Variants in FMN2 observed in about 807,000 individuals in gnomAD.
FMN2 encodes the protein formin 2.
Under a neutral mutation model 142.3 loss-of-function variants are expected in FMN2, and 51 were observed. That is an observed-to-expected ratio of 0.36 (90% CI 0.29 to 0.45). The LOEUF (loss-of-function observed/expected upper bound fraction) is 0.45, where lower values mean the gene tolerates loss of function less well. FMN2 is among the 20% of genes least tolerant of loss of function. The probability of loss-of-function intolerance (pLI) is 1.00; values close to 1 mark genes in which losing one functional copy is unlikely to be tolerated. For synonymous variants in FMN2, 882 were observed against 869.8 expected (o/e 1.01, Z -0.25); for missense variants, 1,936 against 2,122.8 (o/e 0.91, Z 1.73).
chr1:240,385,752 T>G (rs1673384224), intron 14 of FMN2, among the ~76,000 whole-genome samples: 1 of 152,224 alleles, frequency 6.6e-6, no homozygotes, highest in South Asian at 2.1e-4. Flanking sequence ...TCCTGTATTT[T>G]ATGTTTGGCT....
chr1:240,411,501 G>A (rs1224968372), intron 15 of FMN2, among the ~76,000 whole-genome samples: 1 of 151,844 alleles, frequency 6.6e-6, no homozygotes, highest in Non-Finnish European at 1.5e-5. Flanking sequence ...AACCTGGGAG[G>A]CGGAGGTTGT....
chr1:240,169,754 C>T (rs1018489683), intron 2 of FMN2, among the ~76,000 whole-genome samples: 3 of 152,170 alleles, frequency 2.0e-5, no homozygotes, highest in South Asian at 2.1e-4. Flanking sequence ...GAATTATAGG[C>T]GTGAGCCACC....
chr1:240,121,445 G>A (rs1441174982), intron 1 of FMN2, among the ~76,000 whole-genome samples: 2 of 149,944 alleles, frequency 1.3e-5, no homozygotes, highest in African/African-American at 2.5e-5. Context: ...GCGCGATCTC[G>A]GCTCACTGCA....
chr1:240,207,568 G>T lies in FMN2; in HGVS notation c.2756G>T (p.Gly919Val). Reference protein sequence around the residue: ...PPPPPPLPGAGIPPPPPLPGA... With the variant: ...PPPPPPLPGAVIPPPPPLPGA... ...CCTCCCCCTCCTCTTCCCGGAGCGGGCATACCTCCTCCGCCGCCTCTACCC... is the reference window on the plus strand; with the variant it reads ...CCTCCCCCTCCTCTTCCCGGAGCGGTCATACCTCCTCCGCCGCCTCTACCC... Residue 919 changes from glycine to valine, a missense_variant, in exon 5 of 18, where the codon GGC becomes GTC. Gly to Val is a moderately radical substitution (Grantham distance 109). Transcript: ENST00000319653. 1.2e-6 allele frequency: 2 copies of T among 1,607,316 alleles called. No homozygotes were observed. Among genetic ancestry groups the T allele is most frequent in the South Asian group, 2.2e-5 (2 of 90,400 alleles).
At chr1:240,450,422 G>A (rs1675970686) in intron 16 of FMN2, among the ~76,000 whole-genome samples, 1 of 152,114 alleles carries the variant, frequency 6.6e-6, no homozygotes, top group South Asian at 2.1e-4. Flanking sequence ...AAAACACCTA[G>A]GATCCCAGAT....
At chr1:240,216,994 A>C (rs1666929327) in intron 6 of FMN2, among the ~76,000 whole-genome samples, 1 of 152,162 alleles carries the variant, frequency 6.6e-6, no homozygotes. Context: ...ACAGGAAAAG[A>C]AGTATTCATC....
chr1:240,407,425 C>T (rs1413657498), intron 15 of FMN2, among the ~76,000 whole-genome samples: 1 of 152,174 alleles, frequency 6.6e-6, no homozygotes, highest in Non-Finnish European at 1.5e-5. Flanking sequence ...AGGCGTGAGC[C>T]ACCGTGCCCG....
chr1:240,199,199 C>CCTATTTTACAGATGT (rs1666040532), intron 4 of FMN2, among the ~76,000 whole-genome samples: 2 of 152,142 alleles, frequency 1.3e-5, no homozygotes, highest in African/African-American at 2.4e-5. Context: ...CTAGAGGTAT[C>CCTATTTTACAGATGT]CTAACCTGCC....
rs764873776 is a variant in FMN2, at chr1:240,231,217, C to T, written c.4065+19982C>T. Reference sequence around the variant, plus strand: ...ACTCTCTAATTTGACCATCTCTTTGCGTTCCACATTAAGCCTTCCAAAAAA... The same window carrying T: ...ACTCTCTAATTTGACCATCTCTTTGTGTTCCACATTAAGCCTTCCAAAAAA... On this transcript the variant is annotated intron_variant, in intron 6 of 17. Transcript: ENST00000319653. Among the ~76,000 whole-genome samples the T allele has an allele frequency of 1.1e-4, 14 of 132,484 alleles. 3 individuals are homozygous for T. Among genetic ancestry groups the T allele is most frequent in the Non-Finnish European group, 1.7e-4 (11 of 63,116 alleles). The allele number at this position is 132,484 out of a possible 152,430, so 86.9% of individuals were successfully genotyped here.
At chr1:240,250,390 TTATTGATTTGCA>T (rs1483268065) in intron 6 of FMN2, among the ~76,000 whole-genome samples, 1 of 152,318 alleles carries the variant, frequency 6.6e-6, no homozygotes, top group South Asian at 2.1e-4. Context: ...TATATCACAT[TTATTGATTTGCA>T]TATGTACAAC....
intron 16 of FMN2, 116 bp downstream of exon 16, chr1:240,438,326 G>T: frequency 1.7e-6 from 2 of 1,147,254 alleles, no homozygotes; most frequent in South Asian, 1.6e-5. Context: ...CTCAACCCGG[G>T]GTAGCAAGTT....
intron 4 of FMN2, among the ~76,000 whole-genome samples, chr1:240,199,273 A>C (rs941401109): frequency 1.3e-5 from 2 of 152,210 alleles, no homozygotes; most frequent in African/African-American, 4.8e-5. Context: ...AATTAATTAT[A>C]TATCTCATGT....
chr1:240,332,818 C>T (rs1363798101), intron 11 of FMN2, among the ~76,000 whole-genome samples: 2 of 152,130 alleles, frequency 1.3e-5, no homozygotes, highest in African/African-American at 4.8e-5. Context: ...TTACTTTGAT[C>T]ACTTAGAATT....
chr1:240,244,122 G>T (rs948100270), intron 6 of FMN2, among the ~76,000 whole-genome samples: 5 of 152,078 alleles, frequency 3.3e-5, no homozygotes, highest in African/African-American at 1.2e-4. Flanking sequence ...AGAAAGATTT[G>T]CCTTATTGGA....
chr1:240,304,318 C>T (rs1440372254), intron 8 of FMN2, among the ~76,000 whole-genome samples: 1 of 152,080 alleles, frequency 6.6e-6, no homozygotes, highest in Non-Finnish European at 1.5e-5. Flanking sequence ...TCTCCCTCTT[C>T]CCAAGGGTTT....
intron 16 of FMN2, among the ~76,000 whole-genome samples, chr1:240,468,249 TATATACATATGCACACACAC>T (rs1158074448): frequency 2.6e-4 from 36 of 136,822 alleles, no homozygotes; most frequent in Middle Eastern, 3.9e-3. Flanking sequence ...CACACACACA[TATATACATATGCACACACAC>T]ATATACATAT....
chr1:240,281,642 T>A (rs1669399037), intron 7 of FMN2, among the ~76,000 whole-genome samples: 1 of 152,190 alleles, frequency 6.6e-6, no homozygotes, highest in Non-Finnish European at 1.5e-5. Flanking sequence ...CTCTCGAGAG[T>A]ACATTTTTGT....
intron 14 of FMN2, among the ~76,000 whole-genome samples, chr1:240,374,856 C>T (rs912470180): frequency 6.6e-6 from 1 of 152,204 alleles, no homozygotes; most frequent in Admixed American, 6.5e-5. Context: ...TTCATTCTCT[C>T]TCCACTTTGG....
At chr1:240,178,836 A>C (rs958118114) in intron 3 of FMN2, among the ~76,000 whole-genome samples, 3 of 152,352 alleles carry the variant, frequency 2.0e-5, no homozygotes, top group Non-Finnish European at 4.4e-5. Flanking sequence ...ATAGAAGAAC[A>C]TCATTGCTAT....
Sources: gnomAD v4.1 joint callset for allele counts (sites outside exome capture counted in the v4.1 genomes callset) on GRCh38, gnomAD v4.1.1 for gene constraint, MANE v1.5 for transcripts, NCBI Gene and HGNC (gene_info 2026-07-23, HGNC 2026-07-21) for gene names.